SPMAP2L: variants seen among roughly 807,000 people sequenced by gnomAD.
SPMAP2L encodes the protein sperm microtubule associated protein 2 like.
the SPMAP2L span, among the ~76,000 whole-genome samples, chr4:56,552,373 GA>G: frequency 6.6e-6 from 1 of 152,186 alleles, no homozygotes; most frequent in Non-Finnish European, 1.5e-5. Context: ...CTAGAAGTGA[GA>G]ATGTTGGGTA....
the SPMAP2L span, among the ~76,000 whole-genome samples, chr4:56,589,527 A>G: frequency 2.3e-4 from 35 of 152,228 alleles, no homozygotes; most frequent in African/African-American, 7.5e-4. Flanking sequence ...TTTTGGCACT[A>G]TGGTCGTTTT....
chr4:56,551,231 T>C, the SPMAP2L span, among the ~76,000 whole-genome samples: 1 of 152,206 alleles, frequency 6.6e-6, no homozygotes, highest in East Asian at 1.9e-4. Context: ...TGCCTCATTA[T>C]ACATTGAAGC....
the SPMAP2L span, among the ~76,000 whole-genome samples, chr4:56,575,078 GT>G: frequency 7.8e-6 from 1 of 128,848 alleles, no homozygotes; most frequent in Non-Finnish European, 1.6e-5. Context: ...GTGAAACCCC[GT>G]CTCTACTAAA....
the SPMAP2L span, among the ~76,000 whole-genome samples, chr4:56,590,150 G>C: frequency 6.6e-6 from 1 of 152,120 alleles, no homozygotes; most frequent in Admixed American, 6.5e-5. Context: ...CTGTGAGTTT[G>C]TCATAGAGGG....
At chr4:56,598,744 G>A in the SPMAP2L span, among the ~76,000 whole-genome samples, 1 of 152,032 alleles carries the variant, frequency 6.6e-6, no homozygotes, top group Non-Finnish European at 1.5e-5. Context: ...AGATCATGTA[G>A]GGCCTTGTAG....
At chr4:56,609,704 G>A in the SPMAP2L span, among the ~76,000 whole-genome samples, 8 of 152,266 alleles carry the variant, frequency 5.3e-5, no homozygotes, top group Admixed American at 3.9e-4. Context: ...TCATCAGCGG[G>A]ATTAGTGTCC....
At chr4:56,623,322 C>T in the SPMAP2L span, among the ~76,000 whole-genome samples, 1 of 152,178 alleles carries the variant, frequency 6.6e-6, no homozygotes, top group Non-Finnish European at 1.5e-5. Flanking sequence ...CTTTAATCTC[C>T]TCCACAATGC....
chr4:56,600,966 C>A, the SPMAP2L span: 1 of 1,535,246 alleles, frequency 6.5e-7, no homozygotes, highest in Admixed American at 2.0e-5. Context: ...CTAAACCTAG[C>A]CCCCGAACAA....
the SPMAP2L span, among the ~76,000 whole-genome samples, chr4:56,538,240 G>C: frequency 1.3e-5 from 2 of 152,060 alleles, no homozygotes; most frequent in African/African-American, 4.8e-5. Flanking sequence ...CTTGGTCTCA[G>C]TCATACTGGC....
chr4:56,539,807 C>T, the SPMAP2L span, among the ~76,000 whole-genome samples: 1 of 152,184 alleles, frequency 6.6e-6, no homozygotes, highest in East Asian at 1.9e-4. Context: ...CCTGACTTCT[C>T]TCCCTAAAGT....
chr4:56,542,975 C>T, the SPMAP2L span, among the ~76,000 whole-genome samples: 1 of 151,908 alleles, frequency 6.6e-6, no homozygotes. Flanking sequence ...TTATCACGAG[C>T]CATCAGAACC....
the SPMAP2L span, among the ~76,000 whole-genome samples, chr4:56,618,087 T>C: frequency 1.3e-5 from 2 of 152,258 alleles, no homozygotes; most frequent in Admixed American, 6.5e-5. Flanking sequence ...GATGCAACAT[T>C]TGGGTGGGAA....
At chr4:56,616,924 C>T in the SPMAP2L span, among the ~76,000 whole-genome samples, 3 of 149,736 alleles carry the variant, frequency 2.0e-5, no homozygotes, top group African/African-American at 7.4e-5. Flanking sequence ...AGAGATCTAC[C>T]CCCTTAACAG....
the SPMAP2L span, among the ~76,000 whole-genome samples, chr4:56,546,315 G>A: frequency 1.3e-5 from 2 of 152,152 alleles, no homozygotes; most frequent in Non-Finnish European, 2.9e-5. Context: ...AGAAGTTAGA[G>A]CCAAAATTTC....
At chr4:56,544,299 T>G in the SPMAP2L span, among the ~76,000 whole-genome samples, 1 of 152,276 alleles carries the variant, frequency 6.6e-6, no homozygotes, top group East Asian at 1.9e-4. Flanking sequence ...CCAATACGTT[T>G]TCCTTGCCCA....
chr4:56,594,946 T>C, the SPMAP2L span: 3 of 1,611,812 alleles, frequency 1.9e-6, no homozygotes, highest in African/African-American at 2.7e-5. Context: ...ACAGAGGAGG[T>C]GGTCCTGGCA....
chr4:56,538,963 T>C, the SPMAP2L span, among the ~76,000 whole-genome samples: 1,209 of 152,314 alleles, frequency 7.9e-3, 16 homozygotes, highest in African/African-American at 0.028. Flanking sequence ...AAAAGTGGTG[T>C]AAACATTGGG....
chr4:56,532,596 CTGT>C, the SPMAP2L span, among the ~76,000 whole-genome samples: 1 of 152,170 alleles, frequency 6.6e-6, no homozygotes, highest in Non-Finnish European at 1.5e-5. Flanking sequence ...CCCCATTTCT[CTGT>C]TGTTCTTCAT....
At chr4:56,542,456 T>C in the SPMAP2L span, among the ~76,000 whole-genome samples, 3 of 125,744 alleles carry the variant, frequency 2.4e-5, no homozygotes, top group Non-Finnish European at 4.8e-5. Flanking sequence ...TAATTTACCT[T>C]TTTTTTTTTT....
Sources: gnomAD v4.1 joint callset for allele counts (sites outside exome capture counted in the v4.1 genomes callset) on GRCh38, gnomAD v4.1.1 for gene constraint, MANE v1.5 for transcripts, NCBI Gene and HGNC (gene_info 2026-07-23, HGNC 2026-07-21) for gene names.